DAB1: variants seen among roughly 807,000 people sequenced by gnomAD.
DAB1 encodes the protein DAB adaptor protein 1, also known as disabled homolog 1.
DAB1 carries 15 observed loss-of-function variants against 64.6 expected under a neutral mutation model. That is an observed-to-expected ratio of 0.23 (90% CI 0.16 to 0.36). The LOEUF (loss-of-function observed/expected upper bound fraction) is 0.36. DAB1 is among the 10% of genes least tolerant of loss of function. The pLI, the probability that DAB1 is intolerant of heterozygous loss-of-function variation, is 1.00. For synonymous variants in DAB1, 235 were observed against 251.9 expected (o/e 0.93, Z 0.64); for missense variants, 596 against 706.7 (o/e 0.84, Z 1.78).
intron 3 of DAB1, among the ~76,000 whole-genome samples, chr1:58,347,752 T>C (rs1644015275): frequency 6.6e-6 from 1 of 152,142 alleles, no homozygotes; most frequent in South Asian, 2.1e-4. Context: ...CTCTGTTCAG[T>C]TCAGCTGACA....
At chr1:57,006,436 T>C (rs1057288147) in intron 14 of DAB1, among the ~76,000 whole-genome samples, 2 of 152,212 alleles carry the variant, frequency 1.3e-5, no homozygotes, top group African/African-American at 4.8e-5. Context: ...CATCCTACCT[T>C]ATGTCCTCTT....
intron 9 of DAB1, among the ~76,000 whole-genome samples, chr1:57,050,304 G>A (rs903868297): frequency 1.3e-5 from 2 of 151,388 alleles, no homozygotes; most frequent in African/African-American, 4.9e-5. Flanking sequence ...GCCACCAGAG[G>A]TACACTGAAA....
At chr1:58,192,296 A>G (rs1390715493) in intron 4 of DAB1, among the ~76,000 whole-genome samples, 1 of 152,204 alleles carries the variant, frequency 6.6e-6, no homozygotes, top group African/African-American at 2.4e-5. Flanking sequence ...TTTAGGGGGT[A>G]CAAGTGCAGA....
chr1:57,339,225 T>A (rs943097892), intron 1 of DAB1, among the ~76,000 whole-genome samples: 3 of 151,898 alleles, frequency 2.0e-5, no homozygotes, highest in African/African-American at 7.3e-5. Flanking sequence ...GCGCGATCTC[T>A]GCTCACGGCA....
At chr1:58,007,099 T>C (rs1259775128) in intron 5 of DAB1, among the ~76,000 whole-genome samples, 1 of 152,214 alleles carries the variant, frequency 6.6e-6, no homozygotes, top group African/African-American at 2.4e-5. Flanking sequence ...AGCTCTCTGC[T>C]GCCCACAATT....
intron 2 of DAB1, among the ~76,000 whole-genome samples, chr1:57,163,909 C>G (rs981982484): frequency 6.6e-6 from 1 of 152,000 alleles, no homozygotes; most frequent in Non-Finnish European, 1.5e-5. Flanking sequence ...CATTGAAGGC[C>G]TGTCAAATTC....
At chr1:57,831,673 T>A (rs1166931237) in intron 1 of DAB1, among the ~76,000 whole-genome samples, 1 of 151,320 alleles carries the variant, frequency 6.6e-6, no homozygotes, top group Non-Finnish European at 1.5e-5. Context: ...TTCCTGTATA[T>A]CTTGAACTAC....
intron 2 of DAB1, among the ~76,000 whole-genome samples, chr1:57,208,248 G>A (rs1665747325): frequency 1.3e-5 from 2 of 152,194 alleles, no homozygotes; most frequent in African/African-American, 4.8e-5. Context: ...AGAGTCATAT[G>A]TCAAGGGCTG....
At chr1:57,910,080 C>T (rs921268615) in intron 5 of DAB1, among the ~76,000 whole-genome samples, 2 of 152,150 alleles carry the variant, frequency 1.3e-5, no homozygotes, top group Admixed American at 6.5e-5. Context: ...AGCGACCCAG[C>T]GATCATTCAT....
intron 7 of DAB1, among the ~76,000 whole-genome samples, chr1:57,517,401 G>C (rs1407972075): frequency 6.6e-6 from 1 of 152,104 alleles, no homozygotes; most frequent in African/African-American, 2.4e-5. Flanking sequence ...CAAAGGTGCT[G>C]ACCTAACTGC....
At chr1:57,143,568 G>A (rs973765868) in intron 3 of DAB1, among the ~76,000 whole-genome samples, 2 of 151,966 alleles carry the variant, frequency 1.3e-5, no homozygotes, top group Non-Finnish European at 2.9e-5. Flanking sequence ...TTATATAACA[G>A]GTTAACAAAT....
chr1:57,409,805 T>C (rs1007139837), intron 1 of DAB1, among the ~76,000 whole-genome samples: 4 of 152,084 alleles, frequency 2.6e-5, no homozygotes, highest in African/African-American at 9.7e-5. Context: ...CTAGACTCCG[T>C]CTCCAAAAAG....
At chr1:58,123,163 G>T (rs964584225) in intron 5 of DAB1, among the ~76,000 whole-genome samples, 3 of 152,064 alleles carry the variant, frequency 2.0e-5, no homozygotes, top group African/African-American at 4.8e-5. Flanking sequence ...GCAAGTAATC[G>T]CCATGACAGC....
At chr1:57,218,692 C>T (rs151174327) in intron 2 of DAB1, among the ~76,000 whole-genome samples, 96 of 152,044 alleles carry the variant, frequency 6.3e-4, no homozygotes, top group African/African-American at 1.7e-3. Context: ...TCCCATAATC[C>T]ATATTTTAGC....
intron 7 of DAB1, among the ~76,000 whole-genome samples, chr1:57,499,317 C>T (rs1644264112): frequency 6.6e-6 from 1 of 152,172 alleles, no homozygotes; most frequent in Admixed American, 6.5e-5. Context: ...TTTCTCATTT[C>T]ACAGATTCAC....
chr1:57,600,196 G>A (rs999755889), intron 7 of DAB1, among the ~76,000 whole-genome samples: 1 of 152,174 alleles, frequency 6.6e-6, no homozygotes, highest in Non-Finnish European at 1.5e-5. Context: ...CAGGATGCAA[G>A]CTCAGTGCAG....
At chr1:57,043,802 G>A (rs1270352736) in intron 9 of DAB1, among the ~76,000 whole-genome samples, 1 of 151,546 alleles carries the variant, frequency 6.6e-6, no homozygotes, top group Non-Finnish European at 1.5e-5. Context: ...AGCCGAGATT[G>A]CACCACTCCA....
chr1:58,200,571 G>A (rs897800473), intron 4 of DAB1, among the ~76,000 whole-genome samples: 1 of 152,158 alleles, frequency 6.6e-6, no homozygotes, highest in Admixed American at 6.5e-5. Flanking sequence ...AGGCAGAATG[G>A]TATGTGCCTC....
At chr1:57,288,700 A>G (rs1672531543) in intron 2 of DAB1, among the ~76,000 whole-genome samples, 1 of 152,070 alleles carries the variant, frequency 6.6e-6, no homozygotes. Context: ...AAGCTAATTA[A>G]GACAAGATGA....
Sources: gnomAD v4.1 joint callset for allele counts (sites outside exome capture counted in the v4.1 genomes callset) on GRCh38, gnomAD v4.1.1 for gene constraint, MANE v1.5 for transcripts, NCBI Gene and HGNC (gene_info 2026-07-23, HGNC 2026-07-21) for gene names.